Variants in C2orf80 observed in about 807,000 individuals in gnomAD.
The protein encoded by C2orf80 is uncharacterized protein C2orf80.
C2orf80 carries 28 observed loss-of-function variants against 30.2 expected under a neutral mutation model. The observed-to-expected ratio is 0.93, with a 90% CI of 0.69 to 1.27. C2orf80 has a LOEUF of 1.27. Among genes scored for constraint, C2orf80 ranks in the 50% most tolerant of loss-of-function variants. The pLI is 0.00. For synonymous variants in C2orf80, 80 were observed against 76.4 expected (o/e 1.05, Z -0.24); for missense variants, 220 against 231.0 (o/e 0.95, Z 0.31).
intron 8 of C2orf80, among the ~76,000 whole-genome samples, chr2:208,167,825 C>T (rs1210835184): frequency 6.7e-6 from 1 of 150,312 alleles, no homozygotes; most frequent in Non-Finnish European, 1.5e-5. Flanking sequence ...ATCTGCTCTC[C>T]TTGGCCTCCC....
At chr2:208,168,052 C>G (rs151193600) in intron 8 of C2orf80, among the ~76,000 whole-genome samples, 1 of 151,982 alleles carries the variant, frequency 6.6e-6, no homozygotes, top group Non-Finnish European at 1.5e-5. Context: ...ACAGTAAGCT[C>G]AAATATTTAA....
intron 8 of C2orf80, 60 bp downstream of exon 8, chr2:208,170,885 A>G: frequency 7.4e-7 from 1 of 1,355,620 alleles, no homozygotes; most frequent in African/African-American, 1.4e-5. Context: ...CCACGGTATC[A>G]GGAAAGTACT....
intron 8 of C2orf80, among the ~76,000 whole-genome samples, chr2:208,166,201 T>TAC (rs1436641066): frequency 6.6e-6 from 1 of 152,244 alleles, no homozygotes; most frequent in East Asian, 1.9e-4. Context: ...TCTTAAGAAA[T>TAC]ACACACAGAG....
In C2orf80 at chr2:208,170,942, T is replaced by C; in HGVS notation, c.573+3A>G. ...TTGGTCCAATTTACAATCTCACACC[T>C]ACTTTGTGCTTTGGCTGTGTGTCTG... is the stretch of plus-strand genomic sequence containing the variant. On this transcript the variant is annotated splice_donor_region_variant and intron_variant, in intron 8 of 8. Coordinates refer to ENST00000341287, the MANE Select transcript of C2orf80 (RefSeq NM_001099334.3). The C allele has an allele frequency of 1.9e-6, 3 of 1,611,516 alleles. No homozygotes were observed. The highest frequency in any genetic ancestry group is 2.5e-6 in the Non-Finnish European group (3 of 1,177,642).
chr2:208,184,068 T>C (rs1696642390), intron 3 of C2orf80, among the ~76,000 whole-genome samples: 2 of 152,182 alleles, frequency 1.3e-5, no homozygotes, highest in Admixed American at 6.5e-5. Context: ...AATGAATAAA[T>C]AAACAGGAAG....
At chr2:208,184,816 G>C (rs1296231710) in intron 3 of C2orf80, 135 bp downstream of exon 3, 3 of 600,172 alleles carry the variant, frequency 5.0e-6, no homozygotes, top group Non-Finnish European at 8.7e-6. Context: ...CAGGGTGAGG[G>C]GAAGATGAGG....
rs1367995596 is a variant in C2orf80, at chr2:208,180,776, GC to G, written c.334del (p.Ala112LeufsTer28). On this transcript the variant is annotated frameshift_variant, in exon 6 of 9. Coordinates refer to ENST00000341287, the MANE Select transcript of C2orf80 (RefSeq NM_001099334.3). LOFTEE classifies it high-confidence loss of function. ...GGTACCAGAATCGGCAGAAGAATCA[GC>G]CCCATAAATTTTAAAGACTTCCTCA... is the stretch of plus-strand genomic sequence containing the variant. ...PIEEVFKIYG[A>X]DSSADSGTIK... 3 of 1,613,462 alleles carry G rather than the reference GC, an allele frequency of 1.9e-6. No individual in the cohort carries two copies. The highest frequency in any genetic ancestry group is 2.5e-6 in the Non-Finnish European group (3 of 1,179,754).
At chr2:208,165,850 A>G (rs1243373837) in intron 8 of C2orf80, 35 bp from the exon 9 acceptor site, 32 of 1,468,972 alleles carry the variant, frequency 2.2e-5, no homozygotes, top group Non-Finnish European at 2.9e-5. Flanking sequence ...TATCAAGCAC[A>G]TCAATTTAAC....
intron 6 of C2orf80, among the ~76,000 whole-genome samples, chr2:208,177,402 G>T (rs149246883): frequency 6.6e-6 from 1 of 151,820 alleles, no homozygotes; most frequent in Non-Finnish European, 1.5e-5. Context: ...TTAGCCAGGC[G>T]TGGTAACGCA....
chr2:208,183,158 A>C, intron 3 of C2orf80, 111 bp from the exon 4 acceptor site: 2 of 775,970 alleles, frequency 2.6e-6, no homozygotes, highest in Non-Finnish European at 4.3e-6. Context: ...TGTCATGTCC[A>C]AAATGGGAAG....
intron 6 of C2orf80, among the ~76,000 whole-genome samples, chr2:208,179,237 G>A (rs1192256027): frequency 6.6e-6 from 1 of 152,232 alleles, no homozygotes; most frequent in Non-Finnish European, 1.5e-5. Context: ...AAGGGCATTT[G>A]AGTCTCAGGA....
At chr2:208,181,118 A>G in intron 5 of C2orf80, 100 bp downstream of exon 5, 1 of 921,688 alleles carries the variant, frequency 1.1e-6, no homozygotes, top group African/African-American at 1.7e-5. Flanking sequence ...CTAAACATTT[A>G]GAAACATTGG....
At chr2:208,185,096 C>T in intron 2 of C2orf80, 64 bp from the exon 3 acceptor site, 5 of 1,100,398 alleles carry the variant, frequency 4.5e-6, no homozygotes, top group Admixed American at 2.3e-5. Flanking sequence ...CAGAAAAAGG[C>T]TTTTTTTTTT....
At chr2:208,167,379 A>G (rs1030241605) in intron 8 of C2orf80, among the ~76,000 whole-genome samples, 6 of 151,600 alleles carry the variant, frequency 4.0e-5, no homozygotes, top group Non-Finnish European at 7.4e-5. Flanking sequence ...AAAATTAGCC[A>G]GGTGTGGTGG....
At chr2:208,177,041 TATA>T in intron 6 of C2orf80, among the ~76,000 whole-genome samples, 1 of 67,110 alleles carries the variant, frequency 1.5e-5, no homozygotes, top group African/African-American at 5.4e-5. Context: ...ATAGTACACA[TATA>T]TACTATATAC....
At chr2:208,172,378 C>A (rs1696130608) in intron 6 of C2orf80, among the ~76,000 whole-genome samples, 1 of 152,170 alleles carries the variant, frequency 6.6e-6, no homozygotes, top group Non-Finnish European at 1.5e-5. Flanking sequence ...CCTAGAGGCA[C>A]CTACCTCTCT....
intron 6 of C2orf80, 104 bp downstream of exon 6, chr2:208,180,641 T>G: frequency 1.1e-6 from 1 of 891,982 alleles, no homozygotes; most frequent in East Asian, 2.6e-5. Flanking sequence ...GATGTAAAAC[T>G]GTTATTTCAT....
chr2:208,179,596 T>C (rs1489348259), intron 6 of C2orf80, among the ~76,000 whole-genome samples: 1 of 152,192 alleles, frequency 6.6e-6, no homozygotes, highest in Non-Finnish European at 1.5e-5. Context: ...GGTGAAGGGA[T>C]CAGTAGTTCA....
chr2:208,167,608 G>A (rs970793588), intron 8 of C2orf80, among the ~76,000 whole-genome samples: 9 of 151,942 alleles, frequency 5.9e-5, no homozygotes, highest in South Asian at 2.1e-4. Flanking sequence ...ACAGAGTCTC[G>A]CTCTGTTGCC....
Sources: allele counts gnomAD v4.1 joint callset (sites outside exome capture counted in the v4.1 genomes callset), GRCh38; gene constraint gnomAD v4.1.1; transcripts MANE v1.5; gene names NCBI Gene and HGNC (gene_info 2026-07-23, HGNC 2026-07-21).